Variants in LRCH1 observed in about 807,000 individuals in gnomAD.
LRCH1 encodes the protein leucine rich repeats and calponin homology domain containing 1, also known as leucine-rich repeat and calponin homology domain-containing protein 1.
LRCH1 carries 23 observed loss-of-function variants against 94.9 expected under a neutral mutation model. That is an observed-to-expected ratio of 0.24 (90% confidence interval 0.17 to 0.34). LRCH1 has a LOEUF of 0.34. Ranked by LOEUF, LRCH1 falls within the 10% of genes least tolerant of loss-of-function variation. The pLI is 1.00. For missense variants in LRCH1, 790 were observed against 945.9 expected (o/e 0.84, Z 2.16); for synonymous variants, 364 against 354.9 (o/e 1.03, Z -0.29).
intron 9 of LRCH1, among the ~76,000 whole-genome samples, chr13:46,695,934 G>C (rs930742777): frequency 1.3e-5 from 2 of 152,132 alleles, no homozygotes; most frequent in African/African-American, 4.8e-5. Context: ...AATAATGAAC[G>C]TGACATATGT....
chr13:46,710,301 G>C (rs1289005015), intron 13 of LRCH1, among the ~76,000 whole-genome samples: 1 of 152,216 alleles, frequency 6.6e-6, no homozygotes, highest in Non-Finnish European at 1.5e-5. Flanking sequence ...GTTTGGCCCT[G>C]TAGCCAGGAG....
chr13:46,584,469 C>A (rs2050408262), intron 1 of LRCH1, among the ~76,000 whole-genome samples: 1 of 152,168 alleles, frequency 6.6e-6, no homozygotes, highest in Non-Finnish European at 1.5e-5. Flanking sequence ...AGATAAGACA[C>A]CAAAGTTAAC....
rs562968849 is a variant in LRCH1 at position 46,700,242 on chromosome 13, G to T, written c.1313+839G>T. Among the ~76,000 whole-genome samples, 24 of 152,202 alleles carry T rather than the reference G, an allele frequency of 1.6e-4. 1 individual carries two copies. In the Middle Eastern group the frequency reaches 0.014, roughly 86 times the overall value. On this transcript the variant is annotated intron_variant, in intron 10 of 19. Transcript: ENST00000389797. ...TTGACTCTCCATCATACCTTGCAGG[G>T]TTTTTCTTCTTAGTGAGGATTTATC...
intron 1 of LRCH1, among the ~76,000 whole-genome samples, chr13:46,645,583 C>G (rs2051210208): frequency 6.6e-6 from 1 of 152,098 alleles, no homozygotes; most frequent in Non-Finnish European, 1.5e-5. Flanking sequence ...TAGAACTCAT[C>G]TAGTTGTATA....
intron 2 of LRCH1, among the ~76,000 whole-genome samples, chr13:46,664,128 G>A (rs1381766633): frequency 6.6e-6 from 1 of 152,194 alleles, no homozygotes; most frequent in African/African-American, 2.4e-5. Context: ...ACCCTGGCAT[G>A]TCTGAGCTAT....
intron 1 of LRCH1, among the ~76,000 whole-genome samples, chr13:46,583,553 G>T (rs978134940): frequency 1.3e-5 from 2 of 152,194 alleles, no homozygotes; most frequent in South Asian, 4.1e-4. Flanking sequence ...CTGGCTGCCT[G>T]TGCTAATGTC....
intron 1 of LRCH1, among the ~76,000 whole-genome samples, chr13:46,560,080 C>T (rs1007248575): frequency 7.0e-6 from 1 of 143,022 alleles, no homozygotes; most frequent in African/African-American, 2.4e-5. Flanking sequence ...CATTCAACTT[C>T]ATCATTGCTT....
At chr13:46,624,466 C>T (rs149500385) in intron 1 of LRCH1, among the ~76,000 whole-genome samples, 68 of 152,252 alleles carry the variant, frequency 4.5e-4, no homozygotes, top group African/African-American at 1.2e-3. Flanking sequence ...CTCATTAAGA[C>T]GGGGCTATTG....
rs186743515 is a variant in LRCH1, at chr13:46,595,819, C to G, written c.307+42116C>G. Reference sequence around the variant, plus strand: ...AGATGTGGAGTTCTGCTGGCAACTGCCACAGAGTGAAATTGGCCACATGGA... The same window carrying G: ...AGATGTGGAGTTCTGCTGGCAACTGGCACAGAGTGAAATTGGCCACATGGA... On this transcript the variant is annotated intron_variant, in intron 1 of 19. Coordinates refer to ENST00000389797, the MANE Select transcript of LRCH1 (RefSeq NM_001164211.2). Among the ~76,000 whole-genome samples, 201 of 150,938 alleles carry G rather than the reference C, an allele frequency of 1.3e-3. 1 individual carries two copies. The highest frequency in any genetic ancestry group is 4.5e-3 in the African/African-American group (187 of 41,188).
At chr13:46,561,839 A>G (rs1326580407) in intron 1 of LRCH1, among the ~76,000 whole-genome samples, 4 of 152,222 alleles carry the variant, frequency 2.6e-5, no homozygotes, top group Non-Finnish European at 5.9e-5. Flanking sequence ...CTGTCAAAAC[A>G]AACAGCCTCC....
At chr13:46,618,621 A>G (rs895070801) in intron 1 of LRCH1, among the ~76,000 whole-genome samples, 4 of 152,206 alleles carry the variant, frequency 2.6e-5, no homozygotes, top group Non-Finnish European at 4.4e-5. Flanking sequence ...TGACGTTGAG[A>G]ATTGGACGTT....
intron 1 of LRCH1, among the ~76,000 whole-genome samples, chr13:46,585,772 C>T (rs149343635): frequency 6.6e-6 from 1 of 151,880 alleles, no homozygotes; most frequent in African/African-American, 2.4e-5. Flanking sequence ...CCCTGCCCAC[C>T]CCCACCTTCC....
intron 16 of LRCH1, among the ~76,000 whole-genome samples, chr13:46,721,947 C>A (rs1872600372): frequency 6.6e-6 from 1 of 152,184 alleles, no homozygotes; most frequent in Non-Finnish European, 1.5e-5. Flanking sequence ...TTCAAAGGCA[C>A]AAATTGAAAT....
intron 1 of LRCH1, among the ~76,000 whole-genome samples, chr13:46,571,758 A>C (rs914468260): frequency 6.6e-6 from 1 of 152,212 alleles, no homozygotes; most frequent in East Asian, 1.9e-4. Context: ...TAGGCAATTC[A>C]TGTACCTCTC....
chr13:46,647,252 A>G (rs1373892507), intron 1 of LRCH1, among the ~76,000 whole-genome samples: 4 of 152,140 alleles, frequency 2.6e-5, no homozygotes, highest in African/African-American at 9.7e-5. Context: ...AATGTCCTTC[A>G]TTTACATCAC....
chr13:46,730,862 A>AC (rs1347090371), intron 18 of LRCH1, among the ~76,000 whole-genome samples: 1 of 152,240 alleles, frequency 6.6e-6, no homozygotes, highest in Non-Finnish European at 1.5e-5. Context: ...ATTTTACAAG[A>AC]CGTAAGAGGA....
At chr13:46,691,656 G>T (rs1170409781) in intron 7 of LRCH1, among the ~76,000 whole-genome samples, 1 of 152,176 alleles carries the variant, frequency 6.6e-6, no homozygotes, top group Admixed American at 6.5e-5. Context: ...AGAAAGCAAC[G>T]AGGTTGGGGG....
At chr13:46,678,822 A>G (rs1419675936) in intron 3 of LRCH1, among the ~76,000 whole-genome samples, 2 of 152,236 alleles carry the variant, frequency 1.3e-5, no homozygotes, top group Admixed American at 6.5e-5. Flanking sequence ...AGCTAACTCA[A>G]CCATGACCAG....
chr13:46,579,066 G>C (rs967342590), intron 1 of LRCH1, among the ~76,000 whole-genome samples: 1 of 152,168 alleles, frequency 6.6e-6, no homozygotes, highest in African/African-American at 2.4e-5. Context: ...GGCTCGCTGT[G>C]TGCAGGGAAA....
Sources: allele counts gnomAD v4.1 joint callset (sites outside exome capture counted in the v4.1 genomes callset), GRCh38; gene constraint gnomAD v4.1.1; transcripts MANE v1.5; gene names NCBI Gene and HGNC (gene_info 2026-07-23, HGNC 2026-07-21).